The following RBFOX1 variants were observed in gnomAD, a reference collection of about 807,000 sequenced individuals.
RBFOX1 encodes the protein RNA binding protein fox-1 homolog 1.
Under a neutral mutation model 57.7 loss-of-function variants are expected in RBFOX1, and 8 were observed. That is an observed-to-expected ratio of 0.14 (90% CI 0.08 to 0.25). The LOEUF is 0.25. RBFOX1 is among the 10% of genes least tolerant of loss of function. RBFOX1 has a pLI of 1.00. For missense variants in RBFOX1, 611 were observed against 548.5 expected (o/e 1.11, Z -1.14); for synonymous variants, 326 against 222.4 (o/e 1.47, Z -4.15).
chr16:6,699,970 G>C (rs1319837950), intron 3 of RBFOX1, among the ~76,000 whole-genome samples: 1 of 152,094 alleles, frequency 6.6e-6, no homozygotes, highest in Non-Finnish European at 1.5e-5. Flanking sequence ...AATTTGCCCT[G>C]GTATGTGGAT....
chr16:5,757,429 A>C (rs1213082005), intron 3 of RBFOX1, among the ~76,000 whole-genome samples: 1 of 151,724 alleles, frequency 6.6e-6, no homozygotes. Context: ...ACGGGGTTTC[A>C]CCATTTTGGC....
At chr16:6,634,440 G>C (rs79908401) in intron 2 of RBFOX1, among the ~76,000 whole-genome samples, 1 of 151,162 alleles carries the variant, frequency 6.6e-6, no homozygotes, top group African/African-American at 2.4e-5. Flanking sequence ...GCTGCCTCCC[G>C]GGCTTAGTGA....
chr16:6,293,338 T>C (rs1357224157), intron 1 of RBFOX1, among the ~76,000 whole-genome samples: 2 of 152,218 alleles, frequency 1.3e-5, no homozygotes, highest in Admixed American at 6.5e-5. Context: ...AATACTTACA[T>C]CTGCCATGCA....
At chr16:5,339,561 C>A (rs1455629726) in intron 1 of RBFOX1, among the ~76,000 whole-genome samples, 1 of 131,852 alleles carries the variant, frequency 7.6e-6, no homozygotes, top group African/African-American at 2.8e-5. Flanking sequence ...TAGCTCACTG[C>A]AAGCTTCAAC....
chr16:6,808,158 A>ATGTGTGTGTGTGTG (rs1434357255), intron 3 of RBFOX1, among the ~76,000 whole-genome samples: 2 of 104,562 alleles, frequency 1.9e-5, no homozygotes, highest in African/African-American at 8.7e-5. Flanking sequence ...TATACCTTAT[A>ATGTGTGTGTGTGTG]TATGTGTGTG....
intron 1 of RBFOX1, among the ~76,000 whole-genome samples, chr16:5,273,896 G>A (rs9302801): frequency 0.53 from 80,682 of 151,954 alleles, 22,294 homozygotes; most frequent in African/African-American, 0.7. Flanking sequence ...AGGAATGCTG[G>A]TAATGACAAG....
At chr16:5,736,552 G>C (rs944480774) in intron 3 of RBFOX1, among the ~76,000 whole-genome samples, 1 of 152,134 alleles carries the variant, frequency 6.6e-6, no homozygotes, top group Non-Finnish European at 1.5e-5. Flanking sequence ...GCCGAGTGGG[G>C]CCCGGATCGG....
In RBFOX1 at chr16:5,946,220, G is replaced by A. The variant is rs550706992; in HGVS notation, c.351+78885G>A. On this transcript the variant is annotated intron_variant, in intron 4 of 19. Coordinates refer to the RBFOX1 transcript ENST00000641259. This position sits in a 1 kb window ranked among gnomAD's most constrained non-coding sequence, Gnocchi z 4.6. The stretch of plus-strand genomic sequence containing the variant: ...GGGGCCAGGCTCTGCCACATTAGAT[G>A]CCTTCACGTCTCTAAGTGTCTCTAA... 1.4e-4 allele frequency among the ~76,000 whole-genome samples: 21 copies of A among 152,302 alleles called. No homozygotes were observed. In the East Asian group the frequency reaches 2.7e-3, roughly 20 times the overall value.
intron 3 of RBFOX1, among the ~76,000 whole-genome samples, chr16:6,958,303 C>G (rs576151261): frequency 6.6e-6 from 1 of 152,306 alleles, no homozygotes; most frequent in South Asian, 2.1e-4. Context: ...CCAACACACT[C>G]TATTCAAAAT....
intron 2 of RBFOX1, among the ~76,000 whole-genome samples, chr16:5,559,944 G>T (rs2045831840): frequency 6.6e-6 from 1 of 152,108 alleles, no homozygotes; most frequent in South Asian, 2.1e-4. Context: ...TTTCTTAACA[G>T]GATCTGTTTT....
intron 3 of RBFOX1, among the ~76,000 whole-genome samples, chr16:5,715,993 C>T (rs182026066): frequency 6.6e-6 from 1 of 152,148 alleles, no homozygotes; most frequent in East Asian, 1.9e-4. Context: ...CATTTGCTCC[C>T]TATTTCAAAA....
chr16:7,026,184 C>T (rs1293376362), intron 3 of RBFOX1, among the ~76,000 whole-genome samples: 2 of 152,176 alleles, frequency 1.3e-5, no homozygotes, highest in African/African-American at 2.4e-5. Context: ...TTCTTGGGGC[C>T]TACTCTGAGG....
rs559501097 is a variant in RBFOX1, at chr16:7,512,473, G to C, written c.28-5674G>C. ...TAATTAGCCTAAAGTGCAAATGTTG[G>C]GAATATTAATTAGGGTCTCTCTGGA... On this transcript the variant is annotated intron_variant, in intron 4 of 15. Coordinates refer to ENST00000550418, the MANE Select transcript of RBFOX1 (RefSeq NM_018723.4). Among the ~76,000 whole-genome samples, 11 of 152,252 alleles carry C rather than the reference G, an allele frequency of 7.2e-5. No homozygotes were observed. In the East Asian group the frequency reaches 9.7e-4, roughly 13 times the overall value.
chr16:6,226,983 G>A (rs2097423079), intron 1 of RBFOX1, among the ~76,000 whole-genome samples: 1 of 151,552 alleles, frequency 6.6e-6, no homozygotes, highest in Non-Finnish European at 1.5e-5. Flanking sequence ...AATTAGCTGG[G>A]TGTGGTAGCA....
At chr16:5,452,339 C>A (rs1217750548) in intron 1 of RBFOX1, among the ~76,000 whole-genome samples, 1 of 151,786 alleles carries the variant, frequency 6.6e-6, no homozygotes, top group East Asian at 1.9e-4. Flanking sequence ...AAACTCCTGG[C>A]CTCAAGTGAT....
intron 3 of RBFOX1, among the ~76,000 whole-genome samples, chr16:6,784,451 C>A (rs551890304): frequency 6.6e-6 from 1 of 152,052 alleles, no homozygotes; most frequent in Non-Finnish European, 1.5e-5. Context: ...TCTGCAATTT[C>A]TGTTTGATTT....
chr16:5,307,143 T>C (rs1172107632), intron 1 of RBFOX1, among the ~76,000 whole-genome samples: 1 of 152,204 alleles, frequency 6.6e-6, no homozygotes, highest in Non-Finnish European at 1.5e-5. Flanking sequence ...TGGAGTTGGC[T>C]ACTCGCTTAT....
intron 4 of RBFOX1, among the ~76,000 whole-genome samples, chr16:5,984,687 G>A (rs907541665): frequency 2.6e-5 from 4 of 152,022 alleles, no homozygotes; most frequent in Admixed American, 1.3e-4. Flanking sequence ...GAAGTGCATC[G>A]TTAGGGAATG....
chr16:6,407,395 A>T (rs12443657), intron 2 of RBFOX1, among the ~76,000 whole-genome samples: 65,951 of 151,506 alleles, frequency 0.44, 15,106 homozygotes, highest in Non-Finnish European at 0.5. Flanking sequence ...CTATATGTAT[A>T]TATTTGTCTT....
Sources: allele counts gnomAD v4.1 joint callset (sites outside exome capture counted in the v4.1 genomes callset), GRCh38; gene constraint gnomAD v4.1.1; non-coding constraint Gnocchi (gnomAD v3.1); transcripts MANE v1.5; gene names NCBI Gene and HGNC (gene_info 2026-07-23, HGNC 2026-07-21).